AGL: variants seen among roughly 807,000 people sequenced by gnomAD.
The protein encoded by AGL is glycogen debranching enzyme.
A neutral mutation model predicts 199.3 loss-of-function variants in AGL; 128 were observed. The observed-to-expected ratio is 0.64, with a 90% CI of 0.56 to 0.74. The LOEUF is 0.74. Ranked by LOEUF, AGL falls within the 30% of genes least tolerant of loss-of-function variation. The pLI, the probability that AGL is intolerant of heterozygous loss-of-function variation, is 0.00. For missense variants in AGL, 1,809 were observed against 1,820.8 expected, an observed-to-expected ratio of 0.99 and a Z score of 0.12; for synonymous variants, 584 against 594.7, an observed-to-expected ratio of 0.98 and a Z score of 0.26.
intron 25 of AGL, among the ~76,000 whole-genome samples, chr1:99,899,050 GC>G (rs1653578672): frequency 6.6e-6 from 1 of 152,098 alleles, no homozygotes; most frequent in East Asian, 1.9e-4. Flanking sequence ...TTCAAGACCA[GC>G]CTGGGCAACA....
chr1:99,898,102 A>T (rs905500775), intron 25 of AGL, among the ~76,000 whole-genome samples: 5 of 149,222 alleles, frequency 3.4e-5, no homozygotes, highest in African/African-American at 7.4e-5. Flanking sequence ...GCTGGAGTGC[A>T]GTGGCGCAAT....
chr1:99,887,906 T>G (rs2100778459), intron 20 of AGL, 72 bp from the exon 21 acceptor site: 1 of 1,550,664 alleles, frequency 6.4e-7, no homozygotes, highest in Admixed American at 1.7e-5. Flanking sequence ...GTAATTCAGA[T>G]TTTCTTCTTT....
chr1:99,906,208 C>T (rs1391114904), intron 27 of AGL, among the ~76,000 whole-genome samples: 3 of 152,108 alleles, frequency 2.0e-5, no homozygotes, highest in African/African-American at 7.2e-5. Flanking sequence ...TCCTAGGGAC[C>T]TCATATAAGC....
At chr1:99,865,743 G>C (rs1180898367) in intron 5 of AGL, among the ~76,000 whole-genome samples, 2 of 152,214 alleles carry the variant, frequency 1.3e-5, no homozygotes, top group African/African-American at 2.4e-5. Flanking sequence ...ACAATCTGCT[G>C]TTTCATAAAA....
intron 14 of AGL, 57 bp from the exon 15 acceptor site, chr1:99,881,019 A>G: frequency 7.1e-7 from 1 of 1,416,536 alleles, no homozygotes; most frequent in South Asian, 1.1e-5. Context: ...ATGCTATAGA[A>G]TAGCACTTTG....
chr1:99,903,187 G>T (rs1372459780), intron 27 of AGL, among the ~76,000 whole-genome samples: 1 of 152,046 alleles, frequency 6.6e-6, no homozygotes, highest in Non-Finnish European at 1.5e-5. Context: ...TGCACAACGT[G>T]CAGGTTTGTT....
intron 7 of AGL, 103 bp downstream of exon 7, chr1:99,870,972 A>G: frequency 1.3e-6 from 1 of 742,152 alleles, no homozygotes; most frequent in Middle Eastern, 3.3e-4. Context: ...ATGTCATTGT[A>G]TTATATTTGT....
In AGL at chr1:99,881,130, T is replaced by A; in HGVS notation, c.1954T>A (p.Cys652Ser). The A allele has an allele frequency of 6.2e-7, 1 of 1,614,076 alleles. No homozygotes were observed. Among genetic ancestry groups the A allele is most frequent in the Non-Finnish European group, 8.5e-7 (1 of 1,179,970 alleles). The part of the protein sequence containing the change: ...PSTTIVSMAC[C>S]ASGSTRGYDE... The stretch of plus-strand genomic sequence containing the variant: ...TACTACAATTGTTTCTATGGCATGT[T>A]GTGCTAGTGGAAGTACAAGAGGCTA... The change falls in exon 15 of 34, where the codon TGT becomes AGT. Residue 652 changes from cysteine (C) to serine (S), a missense_variant. Cys to Ser is a moderately radical substitution (Grantham distance 112). Transcript: ENST00000361915.
intron 23 of AGL, 80 bp from the exon 24 acceptor site, chr1:99,892,352 T>C: frequency 7.8e-7 from 1 of 1,284,816 alleles, no homozygotes; most frequent in African/African-American, 1.5e-5. Flanking sequence ...AAAAATCATT[T>C]GAAGGAAAGA....
rs183308266 is a variant in AGL at position 99,852,822 on chromosome 1, C to G, written c.82+1698C>G. On this transcript the variant is annotated intron_variant, in intron 2 of 33. Coordinates refer to ENST00000361915, the MANE Select transcript of AGL (RefSeq NM_000642.3). ...ATAAATATAAGGCATTGATATGAAT[C>G]ACTCCATGTATTCCCACCCTGGACC... is the stretch of plus-strand genomic sequence containing the variant. 346 of 739,976 alleles carry G rather than the reference C, an allele frequency of 4.7e-4. 1 individual carries two copies. The East Asian group carries it at 8.4e-3, about 18-fold the overall frequency. 45.8% of individuals were successfully genotyped at this position (739,976 alleles called of 1,614,324 possible). A position where few individuals can be genotyped will look rare whatever the true frequency, so the allele number is the denominator to read the frequency against.
chr1:99,912,499 G>A lies in AGL; in HGVS notation c.3931G>A (p.Val1311Ile). 1 of 1,612,692 alleles carries A rather than the reference G, an allele frequency of 6.2e-7. No individual in the cohort carries two copies. The highest frequency in any genetic ancestry group is 8.5e-7 in the Non-Finnish European group (1 of 1,178,966). The change falls in exon 29 of 34, where the codon GTC becomes ATC. Residue 1311 changes from valine to isoleucine, a missense_variant. Transcript: ENST00000361915. ...SKKNIFPYHE[V>I]TVKRHGKAIK... is the part of the protein sequence containing the mutation. ...AAAAAATATTTTCCCTTATCATGAAGTCACAGTAAAAAGACATGGTAAGCT... is the reference window on the plus strand; with the variant it reads ...AAAAAATATTTTCCCTTATCATGAAATCACAGTAAAAAGACATGGTAAGCT...
intron 5 of AGL, among the ~76,000 whole-genome samples, chr1:99,868,647 T>G (rs1422767870): frequency 1.3e-5 from 2 of 151,988 alleles, no homozygotes; most frequent in African/African-American, 4.8e-5. Context: ...CTGTGTGTGT[T>G]GGCATACACT....
chr1:99,897,534 C>A (rs1653431326), intron 25 of AGL, among the ~76,000 whole-genome samples: 1 of 152,222 alleles, frequency 6.6e-6, no homozygotes, highest in South Asian at 2.1e-4. Context: ...TTTAGGTGGG[C>A]ATCTGAAATG....
In AGL at chr1:99,867,955, G is replaced by A. The variant is rs549150981; in HGVS notation, c.665-2445G>A. ...AGAACACTGGGAACCCATTTGCCCT[G>A]GAAAAGGTCTTGGTTCAAATGCCAA... On this transcript the variant is annotated intron_variant, in intron 5 of 33. Coordinates refer to ENST00000361915, the MANE Select transcript of AGL (RefSeq NM_000642.3). 1.4e-4 allele frequency among the ~76,000 whole-genome samples: 22 copies of A among 152,254 alleles called. No individual in the cohort carries two copies. In the South Asian group the frequency reaches 3.7e-3, roughly 26 times the overall value.
chr1:99,883,674 A>G (rs1026727616), intron 17 of AGL, among the ~76,000 whole-genome samples: 5 of 152,194 alleles, frequency 3.3e-5, no homozygotes, highest in African/African-American at 1.2e-4. Context: ...TGCCAGGGGT[A>G]GTGAGCACCA....
At position 99,862,365 on chromosome 1, in the gene AGL, T is replaced by A; in HGVS notation, c.402T>A (p.Ala134=). Residue 134 remains alanine (A), a synonymous_variant, in exon 4 of 34, where the codon GCT becomes GCA. Coordinates refer to ENST00000361915, the MANE Select transcript of AGL (RefSeq NM_000642.3). ...GTGTTACTCTTCAGACATTTTTAGC[T>A]AAGTGTTTGGGACCTTTTGATGAAT... ...LDCVTLQTFL[A]KCLGPFDEWE... 1 of 1,614,160 alleles carries A rather than the reference T, an allele frequency of 6.2e-7. No homozygotes were observed. Among genetic ancestry groups the A allele is most frequent in the Non-Finnish European group, 8.5e-7 (1 of 1,180,010 alleles).
intron 17 of AGL, among the ~76,000 whole-genome samples, chr1:99,883,036 T>G (rs963230570): frequency 2.6e-5 from 4 of 152,176 alleles, no homozygotes; most frequent in Admixed American, 2.0e-4. Flanking sequence ...CAGATCATTC[T>G]TAAAACATTT....
At chr1:99,878,640 T>TG (rs1651766101) in intron 12 of AGL, among the ~76,000 whole-genome samples, 1 of 152,084 alleles carries the variant, frequency 6.6e-6, no homozygotes, top group South Asian at 2.1e-4. Context: ...ATAAGATTTT[T>TG]GATACCTTAC....
chr1:99,875,017 A>G lies in AGL; in HGVS notation c.1083-137A>G, dbSNP rs1570433190. 3.8e-5 allele frequency: 39 copies of G among 1,023,240 alleles called. No individual in the cohort carries two copies. In the East Asian group the frequency reaches 9.9e-4, roughly 26 times the overall value. The allele number at this position is 1,023,240 out of a possible 1,614,324, so 63.4% of individuals were successfully genotyped here. ...ATATGTGTATATAAACATTTTTACA[A>G]TTGGAAAACATCATCAGCCATAATT... is the stretch of plus-strand genomic sequence containing the variant. On this transcript the variant is annotated intron_variant, in intron 8 of 33. Coordinates refer to ENST00000361915, the MANE Select transcript of AGL (RefSeq NM_000642.3).
Sources: gnomAD v4.1 joint callset for allele counts (sites outside exome capture counted in the v4.1 genomes callset) on GRCh38, gnomAD v4.1.1 for gene constraint, MANE v1.5 for transcripts, NCBI Gene and HGNC (gene_info 2026-07-23, HGNC 2026-07-21) for gene names.